SLCO3A1: variants seen among roughly 807,000 people sequenced by gnomAD.
The protein encoded by SLCO3A1 is solute carrier organic anion transporter family member 3A1.
Under a neutral mutation model 63.1 loss-of-function variants are expected in SLCO3A1, and 27 were observed. That is an observed-to-expected ratio of 0.43 (90% CI 0.32 to 0.59). SLCO3A1 has a LOEUF of 0.59. Ranked by LOEUF, SLCO3A1 falls within the 20% of genes least tolerant of loss-of-function variation. The pLI is 0.09. For synonymous variants in SLCO3A1, 473 were observed against 409.9 expected (o/e 1.15, Z -1.86); for missense variants, 773 against 945.8 (o/e 0.82, Z 2.40).
At chr15:91,955,898 C>T (rs1900155223) in intron 2 of SLCO3A1, among the ~76,000 whole-genome samples, 1 of 152,140 alleles carries the variant, frequency 6.6e-6, no homozygotes, top group Non-Finnish European at 1.5e-5. Flanking sequence ...GTTCATAATG[C>T]CTAGACAGGT....
At chr15:92,114,182 TGAATATGTTTCCACCCA>T (rs1166927748) in intron 4 of SLCO3A1, among the ~76,000 whole-genome samples, 1 of 152,024 alleles carries the variant, frequency 6.6e-6, no homozygotes, top group African/African-American at 2.4e-5. Flanking sequence ...AGCAAGGGTC[TGAATATGTTTCCACCCA>T]GACAGTGAAC....
chr15:91,991,926 G>A (rs1265074649), intron 2 of SLCO3A1, among the ~76,000 whole-genome samples: 2 of 152,240 alleles, frequency 1.3e-5, no homozygotes, highest in African/African-American at 4.8e-5. Context: ...TAGTAAATCT[G>A]AGAATGGTGA....
downstream of SLCO3A1, chr15:92,165,921 T>C (rs879434783): frequency 2.3e-5 from 23 of 984,542 alleles, no homozygotes; most frequent in Admixed American, 1.8e-4. Context: ...GTTCTCTCTC[T>C]TCTGCTACAA....
At chr15:91,913,636 G>A (rs1281500231) in intron 1 of SLCO3A1, among the ~76,000 whole-genome samples, 2 of 152,162 alleles carry the variant, frequency 1.3e-5, no homozygotes, top group Non-Finnish European at 2.9e-5. Flanking sequence ...TTGAATAGAA[G>A]CATGCTAATT....
chr15:92,089,044 G>A (rs2047439981), intron 2 of SLCO3A1, among the ~76,000 whole-genome samples: 1 of 147,950 alleles, frequency 6.8e-6, no homozygotes, highest in South Asian at 2.2e-4. Flanking sequence ...TATTTATTTT[G>A]AGATGGAGTC....
intron 2 of SLCO3A1, among the ~76,000 whole-genome samples, chr15:91,960,927 A>T (rs1900421368): frequency 6.6e-6 from 1 of 152,108 alleles, no homozygotes; most frequent in Admixed American, 6.5e-5. Flanking sequence ...AGCATTTTGG[A>T]TATCAGATTT....
intron 2 of SLCO3A1, among the ~76,000 whole-genome samples, chr15:92,063,293 C>A (rs2047108845): frequency 1.3e-5 from 2 of 152,174 alleles, no homozygotes; most frequent in African/African-American, 4.8e-5. Context: ...AAACCCATTT[C>A]AGTCCAAACC....
intron 4 of SLCO3A1, among the ~76,000 whole-genome samples, chr15:92,120,042 T>G (rs2047843960): frequency 6.6e-6 from 1 of 152,088 alleles, no homozygotes; most frequent in African/African-American, 2.4e-5. Context: ...GACATATACT[T>G]AAATATATTG....
intron 2 of SLCO3A1, among the ~76,000 whole-genome samples, chr15:92,067,925 G>C: frequency 6.6e-6 from 1 of 152,132 alleles, no homozygotes; most frequent in Non-Finnish European, 1.5e-5. Flanking sequence ...CCTTCTTACT[G>C]TGTCCTCTTC....
intron 2 of SLCO3A1, among the ~76,000 whole-genome samples, chr15:91,939,999 C>T (rs1014794687): frequency 2.0e-5 from 3 of 152,182 alleles, no homozygotes; most frequent in Non-Finnish European, 2.9e-5. Context: ...GCTCTGGAGC[C>T]TATGTACCCA....
intron 2 of SLCO3A1, among the ~76,000 whole-genome samples, chr15:92,035,845 T>C (rs1458206555): frequency 6.6e-6 from 1 of 151,866 alleles, no homozygotes; most frequent in Non-Finnish European, 1.5e-5. Flanking sequence ...TTATAAAGCC[T>C]GGTGGTAGGG....
intron 8 of SLCO3A1, chr15:92,149,469 A>C (rs2151591469): frequency 6.6e-6 from 1 of 152,446 alleles, no homozygotes; most frequent in Middle Eastern, 3.4e-3. Flanking sequence ...CATGCCAAAC[A>C]GGACCATCCC....
chr15:92,120,113 A>G (rs527499884), intron 4 of SLCO3A1, among the ~76,000 whole-genome samples: 2 of 152,076 alleles, frequency 1.3e-5, no homozygotes, highest in East Asian at 1.9e-4. Flanking sequence ...TTCTTTTGAG[A>G]AACAAACCCC....
In SLCO3A1 at chr15:92,104,560, T is replaced by G; in HGVS notation, c.1009+18T>G. ...GCTGAGAGGTAAAGGTGGCCTCATC[T>G]GCCTCTGCTCAGAACAGTAGGGGGA... On this transcript the variant is annotated intron_variant, in intron 4 of 9. Coordinates refer to ENST00000318445, the MANE Select transcript of SLCO3A1 (RefSeq NM_013272.4). 1 of 1,608,932 alleles carries G rather than the reference T, an allele frequency of 6.2e-7. No individual in the cohort carries two copies. The highest frequency in any genetic ancestry group is 1.1e-5 in the South Asian group (1 of 90,858).
In SLCO3A1 at chr15:91,872,174, C is replaced by T. The variant is rs1225345167; in HGVS notation, c.180+18086C>T. Among the ~76,000 whole-genome samples the T allele has an allele frequency of 6.6e-6, 1 of 152,128 alleles. No homozygotes were observed. Among genetic ancestry groups the T allele is most frequent in the African/African-American group, 2.4e-5 (1 of 41,428 alleles). On this transcript the variant is annotated intron_variant, in intron 1 of 9. Coordinates refer to ENST00000318445, the MANE Select transcript of SLCO3A1 (RefSeq NM_013272.4). This position sits in a 1 kb window ranked among gnomAD's most constrained non-coding sequence, Gnocchi z 4.1. ...AGTCTGATCGAACTCTCACACAAAT[C>T]CCATGCAGTAGATGTCATTATTTCT...
intron 2 of SLCO3A1, among the ~76,000 whole-genome samples, chr15:91,970,192 T>C (rs1304139616): frequency 6.6e-6 from 1 of 152,256 alleles, no homozygotes; most frequent in Non-Finnish European, 1.5e-5. Context: ...CAAGCACATG[T>C]AGCACATGTA....
chr15:92,128,026 A>G (rs2190750), intron 6 of SLCO3A1, among the ~76,000 whole-genome samples: 76,842 of 151,930 alleles, frequency 0.51, 19,512 homozygotes, highest in East Asian at 0.54. Flanking sequence ...CAGAGGGCAC[A>G]TCAATACCAG....
At chr15:92,124,095 G>T (rs1596121755) in intron 5 of SLCO3A1, among the ~76,000 whole-genome samples, 1 of 152,140 alleles carries the variant, frequency 6.6e-6, no homozygotes, top group South Asian at 2.1e-4. Context: ...GGGAGATGAG[G>T]CCCAGGCAGT....
chr15:91,922,965 A>G (rs913281884), intron 2 of SLCO3A1, among the ~76,000 whole-genome samples: 3 of 152,112 alleles, frequency 2.0e-5, no homozygotes, highest in Admixed American at 6.5e-5. Context: ...GCAGCCACTC[A>G]TAACTCATGC....
Sources: gnomAD v4.1 joint callset for allele counts (sites outside exome capture counted in the v4.1 genomes callset) on GRCh38, gnomAD v4.1.1 for gene constraint, Gnocchi (gnomAD v3.1) non-coding constraint, MANE v1.5 for transcripts, NCBI Gene and HGNC (gene_info 2026-07-23, HGNC 2026-07-21) for gene names.